TRIM13: variants seen among roughly 807,000 people sequenced by gnomAD.
TRIM13 encodes E3 ubiquitin-protein ligase TRIM13.
A neutral mutation model predicts 27.1 loss-of-function variants in TRIM13; 15 were observed. The ratio of observed to expected loss-of-function variants is 0.55; its 90% CI spans 0.37 to 0.85. The LOEUF (loss-of-function observed/expected upper bound fraction) is 0.85. TRIM13 is among the 40% of genes least tolerant of loss of function. The probability of loss-of-function intolerance (pLI) is 0.00; values close to 1 mark genes in which losing one functional copy is unlikely to be tolerated. For missense variants in TRIM13, 402 were observed against 472.2 expected, an observed-to-expected ratio of 0.85 and a Z score of 1.38; for synonymous variants, 193 against 171.5, an observed-to-expected ratio of 1.13 and a Z score of -0.98.
intron 1 of TRIM13, among the ~76,000 whole-genome samples, chr13:50,008,824 T>A (rs576230186): frequency 6.6e-6 from 1 of 151,236 alleles, no homozygotes; most frequent in Non-Finnish European, 1.5e-5. Context: ...GAGACTAGCC[T>A]AGGCAATATG....
rs1876260574 is a variant in TRIM13 at position 50,015,089 on chromosome 13, AAAAAAATATATATATAT to A, written c.*1927_*1943del. 13 of 43,350 alleles carry A rather than the reference AAAAAAATATATATATAT, an allele frequency of 3.0e-4. 1 individual carries two copies. Among genetic ancestry groups the A allele is most frequent in the East Asian group, 1.6e-3 (3 of 1,934 alleles). 2.7% of individuals were successfully genotyped at this position (43,350 alleles called of 1,614,324 possible). A position where few individuals can be genotyped will look rare whatever the true frequency, so the allele number is the denominator to read the frequency against. On this transcript the variant is annotated 3_prime_UTR_variant, in exon 2 of 2. Coordinates refer to ENST00000378182, the MANE Select transcript of TRIM13 (RefSeq NM_213590.3). Reference sequence around the variant, plus strand: ...CCTCCCAGTAATAAAAAAAAAAAAAAAAAAAATATATATATATATATATATATATATATATATATATA... The same window carrying A: ...CCTCCCAGTAATAAAAAAAAAAAAAAATATATATATATATATATATATATA...
intron 1 of TRIM13, among the ~76,000 whole-genome samples, chr13:50,011,149 C>T (rs1875586448): frequency 6.6e-6 from 1 of 152,208 alleles, no homozygotes; most frequent in Non-Finnish European, 1.5e-5. Flanking sequence ...CACACCATTG[C>T]TTTTACACCA....
chr13:50,003,455 A>G (rs910559738), intron 1 of TRIM13, among the ~76,000 whole-genome samples: 2 of 152,224 alleles, frequency 1.3e-5, no homozygotes, highest in African/African-American at 4.8e-5. Flanking sequence ...TCTTTTACTA[A>G]TAGGTTTTAT....
chr13:50,012,760 G>A lies in TRIM13; in HGVS notation c.820G>A (p.Ala274Thr), dbSNP rs199525747. ...ETPLPPSNLP[A>T]SPLMKNFDTS... The stretch of plus-strand genomic sequence containing the variant: ...TCCTTTACCTCCCTCTAATTTGCCT[G>A]CAAGCCCTTTAATGAAGAACTTTGA... Residue 274 changes from alanine (A) to threonine (T), a missense_variant, in exon 2 of 2, where the codon GCA (alanine) becomes ACA (threonine). Transcript: ENST00000378182. The A allele has an allele frequency of 2.5e-5, 40 of 1,614,074 alleles. No homozygotes were observed. In the East Asian group the frequency reaches 6.0e-4, roughly 24 times the overall value.
At chr13:50,008,852 CA>C (rs202100070) in intron 1 of TRIM13, among the ~76,000 whole-genome samples, 60 of 145,336 alleles carry the variant, frequency 4.1e-4, no homozygotes, top group African/African-American at 1.1e-3. Flanking sequence ...CTCATCTCTA[CA>C]AAAAAAAACT....
In TRIM13 at chr13:50,014,376, CAT is replaced by C. The variant is rs1226638968; in HGVS notation, c.*1215_*1216del. 4 of 120,166 alleles carry C rather than the reference CAT, an allele frequency of 3.3e-5. No individual in the cohort carries two copies. The highest frequency in any genetic ancestry group is 1.2e-4 in the Admixed American group (1 of 8,308). The allele number at this position is 120,166 out of a possible 1,614,324, so 7.4% of individuals were successfully genotyped here. A position where few individuals can be genotyped will look rare whatever the true frequency, so the allele number is the denominator to read the frequency against. ...ATATATATATACACACACACACACA[CAT>C]ATGTACACATACATATATATACATA... On this transcript the variant is annotated 3_prime_UTR_variant, in exon 2 of 2. Coordinates refer to ENST00000378182, the MANE Select transcript of TRIM13 (RefSeq NM_213590.3).
chr13:50,012,173 T>C lies in TRIM13; in HGVS notation c.233T>C (p.Ile78Thr). The change falls in exon 2 of 2, where the codon ATT becomes ACT. Residue 78 changes from isoleucine to threonine, a missense_variant. Ile to Thr is a moderately conservative substitution (Grantham distance 89, BLOSUM62 -1). Around this residue, in one of 2 missense-constraint regions of TRIM13, gnomAD observed 202 missense variants for 277.5 expected, o/e 0.73. Coordinates refer to ENST00000378182, the MANE Select transcript of TRIM13 (RefSeq NM_213590.3). ...SLQVNYSLKG[I>T]VEKYNKIKIS... is the part of the protein sequence containing the mutation. ...CAGGTTAATTACTCCCTGAAGGGTA[T>C]TGTGGAAAAGTATAACAAGATCAAG... The C allele has an allele frequency of 2.5e-6, 4 of 1,614,138 alleles. No individual in the cohort carries two copies. Among genetic ancestry groups the C allele is most frequent in the Non-Finnish European group, 3.4e-6 (4 of 1,180,014 alleles).
chr13:50,011,644 T>C (rs1256417855), intron 1 of TRIM13, among the ~76,000 whole-genome samples: 1 of 152,196 alleles, frequency 6.6e-6, no homozygotes, highest in East Asian at 1.9e-4. Context: ...TCCTGCTGGC[T>C]CAACTTGCAG....
intron 1 of TRIM13, among the ~76,000 whole-genome samples, chr13:50,011,465 A>G (rs1471601756): frequency 6.6e-6 from 1 of 152,254 alleles, no homozygotes; most frequent in East Asian, 1.9e-4. Flanking sequence ...AATTCATAAT[A>G]AAGTCTACAT....
chr13:49,998,248 T>C (rs1210474192), intron 1 of TRIM13, among the ~76,000 whole-genome samples: 1 of 152,242 alleles, frequency 6.6e-6, no homozygotes, highest in African/African-American at 2.4e-5. Flanking sequence ...ATACGTTTTT[T>C]TTCCTTTCTC....
rs776014752 is a variant in TRIM13 at position 50,012,582 on chromosome 13, A to G, written c.642A>G (p.Ala214=). The G allele has an allele frequency of 6.2e-7, 1 of 1,614,152 alleles. No homozygotes were observed. The highest frequency in any genetic ancestry group is 1.1e-5 in the South Asian group (1 of 91,090). ...CCATGAAACTTGCTGTTATGCAAGC[A>G]TATGACCCAGAGATCAACAAACTCA... The part of the protein sequence containing the change: ...FETMKLAVMQ[A]YDPEINKLNT... Residue 214 remains alanine, a synonymous_variant, in exon 2 of 2, where the codon GCA becomes GCG. Coordinates refer to ENST00000378182, the MANE Select transcript of TRIM13 (RefSeq NM_213590.3).
Position 50,013,216 on chromosome 13 carries a change from A to G in TRIM13, c.*52A>G, listed in dbSNP as rs1875891151. Reference sequence around the variant, plus strand: ...TTTGTTAGAAATTGTTAGAGAATAGAGAGTGGTAATTCAGATTTGGTCAAC... The same window carrying G: ...TTTGTTAGAAATTGTTAGAGAATAGGGAGTGGTAATTCAGATTTGGTCAAC... On this transcript the variant is annotated 3_prime_UTR_variant, in exon 2 of 2. Transcript: ENST00000378182. 1.3e-6 allele frequency: 2 copies of G among 1,487,906 alleles called. No individual in the cohort carries two copies. The highest frequency in any genetic ancestry group is 1.8e-6 in the Non-Finnish European group (2 of 1,115,410). The allele number at this position is 1,487,906 out of a possible 1,614,324, so 92.2% of individuals were successfully genotyped here. A position where few individuals can be genotyped will look rare whatever the true frequency, so the allele number is the denominator to read the frequency against.
At chr13:50,003,989 T>C (rs765919304) in intron 1 of TRIM13, among the ~76,000 whole-genome samples, 1 of 152,250 alleles carries the variant, frequency 6.6e-6, no homozygotes, top group Non-Finnish European at 1.5e-5. Context: ...AAGTTTTTAA[T>C]TGGTATTTGT....
At chr13:49,999,613 A>G (rs1873773628) in intron 1 of TRIM13, among the ~76,000 whole-genome samples, 1 of 152,150 alleles carries the variant, frequency 6.6e-6, no homozygotes, top group African/African-American at 2.4e-5. Flanking sequence ...ACTGGGCTCA[A>G]GTGATCCTCC....
intron 1 of TRIM13, among the ~76,000 whole-genome samples, chr13:49,998,497 A>G (rs528824655): frequency 6.6e-6 from 1 of 152,346 alleles, no homozygotes; most frequent in South Asian, 2.1e-4. Flanking sequence ...ATGCTCCAAA[A>G]TAACACCTTA....
At chr13:50,002,928 TG>T (rs2138354093) in intron 1 of TRIM13, among the ~76,000 whole-genome samples, 1 of 152,310 alleles carries the variant, frequency 6.6e-6, no homozygotes, top group Non-Finnish European at 1.5e-5. Flanking sequence ...TCCAAAGTGC[TG>T]GGATTACATG....
rs760986534 is a variant in TRIM13 at position 50,012,962 on chromosome 13, T to G, written c.1022T>G (p.Phe341Cys). 12 of 1,613,772 alleles carry G rather than the reference T, an allele frequency of 7.4e-6. No individual in the cohort carries two copies. The highest frequency in any genetic ancestry group is 1.3e-5 in the African/African-American group (1 of 74,896). ...ACCATGTTCCTAGAATGGTCATTAT[T>G]TGATGACCTGGCAACTTGGAAAGGC... The part of the protein sequence containing the change: ...GPTMFLEWSL[F>C]DDLATWKGCL... Residue 341 changes from phenylalanine (F) to cysteine (C), a missense_variant, in exon 2 of 2, where the codon TTT (phenylalanine) becomes TGT (cysteine). Physicochemically the swap from Phe to Cys is radical, Grantham distance 205. This residue lies in a region of TRIM13 where 200 missense variants were observed against 194.7 expected (regional missense o/e 1.03). Coordinates refer to ENST00000378182, the MANE Select transcript of TRIM13 (RefSeq NM_213590.3).
Position 50,016,287 on chromosome 13 carries a change from GAATA to G in TRIM13, c.*3127_*3130del, listed in dbSNP as rs1330938793. 11 of 481,590 alleles carry G rather than the reference GAATA, an allele frequency of 2.3e-5. No homozygotes were observed. Among genetic ancestry groups the G allele is most frequent in the Non-Finnish European group, 3.8e-5 (10 of 264,026 alleles). 29.8% of individuals were successfully genotyped at this position (481,590 alleles called of 1,614,324 possible). ...GGGCTATTATTAGGTGGGACAAAAG[GAATA>G]AATGAAGACTGCCCAGAAAAAACTG... On this transcript the variant is annotated 3_prime_UTR_variant, in exon 2 of 2. Coordinates refer to ENST00000378182, the MANE Select transcript of TRIM13 (RefSeq NM_213590.3).
rs779030173 is a variant in TRIM13 at position 50,011,949 on chromosome 13, G to A, written c.9G>A (p.Leu3=). ME[L]LEEDLTCPIC... ...TTTTCTGGTAGGATGTGATGGAGCT[G>A]CTTGAAGAAGATCTCACATGCCCTA... The change falls in exon 2 of 2, where the codon CTG becomes CTA. Residue 3 remains leucine (L), a synonymous_variant. Transcript: ENST00000378182. 1 of 1,608,280 alleles carries A rather than the reference G, an allele frequency of 6.2e-7. No individual in the cohort carries two copies. The highest frequency in any genetic ancestry group is 1.3e-5 in the African/African-American group (1 of 74,742).
Sources: allele counts gnomAD v4.1 joint callset (sites outside exome capture counted in the v4.1 genomes callset), GRCh38; gene constraint gnomAD v4.1.1; regional missense constraint gnomAD v4.1.1; transcripts MANE v1.5; gene names NCBI Gene and HGNC (gene_info 2026-07-23, HGNC 2026-07-21).